The following MROH1 variants were observed in gnomAD, a reference collection of about 807,000 sequenced individuals.
MROH1 encodes maestro heat-like repeat-containing protein family member 1.
MROH1 carries 117 observed loss-of-function variants against 116.5 expected under a neutral mutation model. That is an observed-to-expected ratio of 1.00 (90% confidence interval 0.86 to 1.17). The LOEUF (loss-of-function observed/expected upper bound fraction) is 1.17. MROH1 is among the 50% of genes most tolerant of loss of function. MROH1 has a pLI of 0.00. For synonymous variants in MROH1, 921 were observed against 583.9 expected, an observed-to-expected ratio of 1.58 and a Z score of -8.32; for missense variants, 1,873 against 1,338.5, an observed-to-expected ratio of 1.40 and a Z score of -6.23.
At chr8:144,236,721 T>G (rs1840098231) in intron 14 of MROH1, among the ~76,000 whole-genome samples, 1 of 150,766 alleles carries the variant, frequency 6.6e-6, no homozygotes, top group Non-Finnish European at 1.5e-5. Flanking sequence ...CCAGCCTGGG[T>G]GACAGAGCGA....
At chr8:144,188,870 C>T (rs1827875448) in intron 7 of MROH1, among the ~76,000 whole-genome samples, 2 of 152,074 alleles carry the variant, frequency 1.3e-5, no homozygotes, top group African/African-American at 4.8e-5. Flanking sequence ...GGCCAGCCTG[C>T]ACCTCTGAGC....
At chr8:144,194,424 C>T (rs566550635) in intron 10 of MROH1, among the ~76,000 whole-genome samples, 3 of 152,258 alleles carry the variant, frequency 2.0e-5, no homozygotes, top group South Asian at 2.1e-4. Context: ...TATGGATACC[C>T]GAACCCTCAG....
chr8:144,161,921 G>A (rs1256564762), intron 2 of MROH1, among the ~76,000 whole-genome samples: 1 of 152,152 alleles, frequency 6.6e-6, no homozygotes, highest in Non-Finnish European at 1.5e-5. Context: ...TGGGAACTCT[G>A]GCTTGTGATG....
chr8:144,241,146 C>G (rs998751903), intron 21 of MROH1, 35 bp downstream of exon 21: 52 of 728,076 alleles, frequency 7.1e-5, no homozygotes, highest in Non-Finnish European at 1.3e-4. Context: ...CCCCAGACAC[C>G]CCAGGGCTGG....
In MROH1 at chr8:144,203,444, GAGCGCCCCCTCTGGAGGGGAAGGGAGGGA is replaced by G. The variant is rs1421983383; in HGVS notation, c.1141+2909_1141+2937del. Among the ~76,000 whole-genome samples, 328 of 150,824 alleles carry G rather than the reference GAGCGCCCCCTCTGGAGGGGAAGGGAGGGA, an allele frequency of 2.2e-3. 2 individuals are homozygous for G. Among genetic ancestry groups the G allele is most frequent in the African/African-American group, 7.8e-3 (319 of 41,018 alleles). ...GCTCTCTGTGGAGGGGTTGGGAGGG[GAGCGCCCCCTCTGGAGGGGAAGGGAGGGA>G]AGCGCAGGCTATCTGTTGAGGGGTT... On this transcript the variant is annotated intron_variant, in intron 12 of 43. Transcript: ENST00000326134.
At chr8:144,256,704 C>T (rs954940774) in intron 35 of MROH1, among the ~76,000 whole-genome samples, 6 of 152,228 alleles carry the variant, frequency 3.9e-5, no homozygotes, top group African/African-American at 9.6e-5. Context: ...GTGTACAGGC[C>T]GTTCGCCAGT....
chr8:144,180,652 G>A lies in MROH1; in HGVS notation c.562+129G>A. ...GGAAGGGGGGCTGTTGGAGGGAGGG[G>A]CCCCCTGGCTGAGGCTGCTGGCTGG... On this transcript the variant is annotated intron_variant, in intron 7 of 43. Transcript: ENST00000326134. The surrounding 1 kb of genome is among the most constrained non-coding windows in gnomAD (Gnocchi z 7.4). 3 of 877,336 alleles carry A rather than the reference G, an allele frequency of 3.4e-6. No individual in the cohort carries two copies. Among genetic ancestry groups the A allele is most frequent in the East Asian group, 2.7e-5 (1 of 37,036 alleles). The allele number at this position is 877,336 out of a possible 1,614,324, so 54.3% of individuals were successfully genotyped here. A position where few individuals can be genotyped will look rare whatever the true frequency, so the allele number is the denominator to read the frequency against.
At position 144,180,630 on chromosome 8, in the gene MROH1, A is replaced by T; in HGVS notation, c.562+107A>T. 9.5e-7 allele frequency: 1 copy of T among 1,056,610 alleles called. No homozygotes were observed. The highest frequency in any genetic ancestry group is 1.3e-6 in the Non-Finnish European group (1 of 750,054). 65.5% of individuals were successfully genotyped at this position (1,056,610 alleles called of 1,614,324 possible). On this transcript the variant is annotated intron_variant, in intron 7 of 43. Transcript: ENST00000326134. The surrounding 1 kb of genome is among the most constrained non-coding windows in gnomAD (Gnocchi z 7.4). Reference sequence around the variant, plus strand: ...CAGGTGGGCACTTTAGGCTGCAGGAAGGGGGGCTGTTGGAGGGAGGGGCCC... The same window carrying T: ...CAGGTGGGCACTTTAGGCTGCAGGATGGGGGGCTGTTGGAGGGAGGGGCCC...
chr8:144,261,470 T>C (rs1845051118), intron 43 of MROH1, 121 bp downstream of exon 43: 10 of 695,366 alleles, frequency 1.4e-5, no homozygotes, highest in Non-Finnish European at 2.4e-5. Flanking sequence ...CCTCATCGTC[T>C]CTAGTAATTC....
At chr8:144,165,218 A>G (rs1230268856) in intron 3 of MROH1, among the ~76,000 whole-genome samples, 1 of 151,704 alleles carries the variant, frequency 6.6e-6, no homozygotes, top group Non-Finnish European at 1.5e-5. Context: ...CCTGGATTCA[A>G]GTGATTCTCC....
At chr8:144,199,477 A>T (rs1588105908) in intron 11 of MROH1, among the ~76,000 whole-genome samples, 1 of 152,018 alleles carries the variant, frequency 6.6e-6, no homozygotes, top group East Asian at 1.9e-4. Context: ...CACATTCCCT[A>T]CCTGCCCCCC....
rs1256910581 is a variant in MROH1, at chr8:144,200,496, C to T, written c.1096C>T (p.Arg366Cys). ...GCTGGACACCAGCAATGAGAGGACC[C>T]GCGTGGGCACCCTGCAGGTGGTCAG... ...PRLDTSNERT[R>C]VGTLQVVRHV... Residue 366 changes from arginine to cysteine, a missense_variant, in exon 12 of 44, where the codon CGC (arginine) becomes TGC (cysteine). Transcript: ENST00000326134. 4 of 1,551,926 alleles carry T rather than the reference C, an allele frequency of 2.6e-6. No homozygotes were observed. The highest frequency in any genetic ancestry group is 3.9e-5 in the Admixed American group (2 of 51,130).
chr8:144,255,411 A>G lies in MROH1; in HGVS notation c.3595-98A>G. 7.1e-6 allele frequency: 5 copies of G among 703,676 alleles called. No homozygotes were observed. In the South Asian group the frequency reaches 7.6e-5, roughly 11 times the overall value. The allele number at this position is 703,676 out of a possible 1,614,324, so 43.6% of individuals were successfully genotyped here. Reference sequence around the variant, plus strand: ...GCTGGGATCTGAGACCTCCGAGCACATGATGCAGGCGAAGGGGGATGCAGT... The same window carrying G: ...GCTGGGATCTGAGACCTCCGAGCACGTGATGCAGGCGAAGGGGGATGCAGT... On this transcript the variant is annotated intron_variant, in intron 34 of 43. Transcript: ENST00000326134.
chr8:144,160,307 C>T (rs1200190221), intron 1 of MROH1, among the ~76,000 whole-genome samples: 1 of 152,122 alleles, frequency 6.6e-6, no homozygotes, highest in Non-Finnish European at 1.5e-5. Context: ...CCTGGTGCCC[C>T]ATGAGTCATG....
chr8:144,221,648 C>T (rs891919561), intron 13 of MROH1, among the ~76,000 whole-genome samples: 1 of 152,114 alleles, frequency 6.6e-6, no homozygotes, highest in African/African-American at 2.4e-5. Flanking sequence ...GTTCCACACA[C>T]TCCCCAGCGT....
At chr8:144,202,609 G>C (rs1374005573) in intron 12 of MROH1, among the ~76,000 whole-genome samples, 3 of 41,934 alleles carry the variant, frequency 7.2e-5, no homozygotes, top group African/African-American at 9.6e-5. Flanking sequence ...GGAAGCGCAG[G>C]CTCTCTGTGG....
At chr8:144,190,545 G>A (rs985089786) in intron 7 of MROH1, among the ~76,000 whole-genome samples, 2 of 152,128 alleles carry the variant, frequency 1.3e-5, no homozygotes, top group Admixed American at 6.5e-5. Flanking sequence ...GTGACAGACC[G>A]AGCAAGACTC....
intron 12 of MROH1, among the ~76,000 whole-genome samples, chr8:144,207,180 G>A (rs1443343507): frequency 6.6e-6 from 1 of 151,228 alleles, no homozygotes; most frequent in East Asian, 1.9e-4. Context: ...TTTTTTTGGG[G>A]GGTGGGGGGC....
intron 25 of MROH1, 102 bp from the exon 26 acceptor site, chr8:144,243,761 T>G: frequency 1.3e-6 from 1 of 741,150 alleles, no homozygotes; most frequent in Non-Finnish European, 2.5e-6. Flanking sequence ...GGGGCTCTGC[T>G]CCTCGGGCCC....
Sources: gnomAD v4.1 joint callset for allele counts (sites outside exome capture counted in the v4.1 genomes callset) on GRCh38, gnomAD v4.1.1 for gene constraint, Gnocchi (gnomAD v3.1) non-coding constraint, MANE v1.5 for transcripts, NCBI Gene and HGNC (gene_info 2026-07-23, HGNC 2026-07-21) for gene names.